Variants in DNER observed in about 807,000 individuals in gnomAD.
DNER encodes delta and Notch-like epidermal growth factor-related receptor.
In DNER, 33 loss-of-function variants were observed where a neutral mutation model predicts 78.2. That is an observed-to-expected ratio of 0.42 (90% confidence interval 0.32 to 0.56). DNER has a LOEUF of 0.56. Ranked by LOEUF, DNER falls within the 20% of genes least tolerant of loss-of-function variation. DNER has a pLI of 0.11. For synonymous variants in DNER, 417 were observed against 384.8 expected (o/e 1.08, Z -0.98); for missense variants, 918 against 975.3 (o/e 0.94, Z 0.78).
intron 8 of DNER, among the ~76,000 whole-genome samples, chr2:229,428,170 CA>C (rs1693924989): frequency 6.6e-6 from 1 of 150,688 alleles, no homozygotes; most frequent in Non-Finnish European, 1.5e-5. Flanking sequence ...TGGGGGGATA[CA>C]AAATCAGATT....
chr2:229,507,028 C>T (rs1695759174), intron 6 of DNER, among the ~76,000 whole-genome samples: 1 of 152,182 alleles, frequency 6.6e-6, no homozygotes, highest in African/African-American at 2.4e-5. Context: ...TGCTCCTAGG[C>T]TACAAATCTG....
chr2:229,374,389 T>C (rs116267165), intron 11 of DNER, among the ~76,000 whole-genome samples: 2,238 of 152,222 alleles, frequency 0.015, 16 homozygotes, highest in Non-Finnish European at 0.024. Flanking sequence ...GAATCTAAAA[T>C]AAAAGTTGAA....
chr2:229,577,641 A>G (rs1019835938), intron 4 of DNER, among the ~76,000 whole-genome samples: 27 of 152,220 alleles, frequency 1.8e-4, no homozygotes, highest in East Asian at 1.7e-3. Flanking sequence ...TCTCAAAAAA[A>G]AAACAAAGAA....
In DNER at chr2:229,598,450, G is replaced by A. The variant is rs370557064; in HGVS notation, c.277-6562C>T. Among the ~76,000 whole-genome samples, 30 of 152,306 alleles carry A rather than the reference G, an allele frequency of 2.0e-4. No homozygotes were observed. The East Asian group carries it at 3.3e-3, about 17-fold the overall frequency. ...ATAGATGAGTCAGAGACGTTAACTT[G>A]GACTTGCCCTGAGCAGTCGGCTCAT... On this transcript the variant is annotated intron_variant, in intron 1 of 12. Transcript: ENST00000341772.
chr2:229,544,251 T>C (rs1696574328), intron 5 of DNER, among the ~76,000 whole-genome samples: 2 of 152,086 alleles, frequency 1.3e-5, no homozygotes, highest in African/African-American at 4.8e-5. Context: ...CAAAGTGGCA[T>C]AGACAGGAGG....
intron 6 of DNER, among the ~76,000 whole-genome samples, chr2:229,492,668 A>G (rs74629241): frequency 4.6e-4 from 69 of 150,446 alleles, no homozygotes; most frequent in African/African-American, 1.6e-3. Flanking sequence ...CTCATTTTTT[A>G]CTTATTTATT....
chr2:229,464,993 G>A (rs992505806), intron 7 of DNER, among the ~76,000 whole-genome samples: 57 of 152,182 alleles, frequency 3.7e-4, no homozygotes, highest in African/African-American at 1.1e-3. Context: ...AATAAGAAAT[G>A]AGGTTGGAAA....
intron 7 of DNER, among the ~76,000 whole-genome samples, chr2:229,471,102 T>C (rs1559360521): frequency 6.6e-6 from 1 of 151,934 alleles, no homozygotes; most frequent in African/African-American, 2.4e-5. Flanking sequence ...ATGGTTCTAA[T>C]AGAGTGCTTT....
intron 1 of DNER, among the ~76,000 whole-genome samples, chr2:229,611,764 C>A (rs1279375625): frequency 1.3e-5 from 2 of 152,188 alleles, no homozygotes; most frequent in Non-Finnish European, 2.9e-5. Flanking sequence ...GAACTCCAAC[C>A]CAGTTCTTTG....
At chr2:229,433,258 A>G (rs1694053607) in intron 8 of DNER, among the ~76,000 whole-genome samples, 1 of 152,190 alleles carries the variant, frequency 6.6e-6, no homozygotes, top group Non-Finnish European at 1.5e-5. Flanking sequence ...TTTAACAGCC[A>G]TGGCATCTCC....
At chr2:229,668,522 GTGTGTGTGTGTGTGTATATATA>G (rs1286588016) in intron 1 of DNER, among the ~76,000 whole-genome samples, 1,084 of 89,342 alleles carry the variant, frequency 0.012, 23 homozygotes, top group African/African-American at 0.026. Flanking sequence ...AAGTATGTGT[GTGTGTGTGTGTGTGTATATATA>G]TATATATATA....
At chr2:229,499,859 A>G (rs1289037534) in intron 6 of DNER, among the ~76,000 whole-genome samples, 2 of 152,208 alleles carry the variant, frequency 1.3e-5, no homozygotes, top group Admixed American at 6.5e-5. Context: ...TAAGGTATTC[A>G]AACAACTCAA....
chr2:229,471,400 G>C (rs898937541), intron 7 of DNER, among the ~76,000 whole-genome samples: 2 of 152,068 alleles, frequency 1.3e-5, no homozygotes, highest in African/African-American at 4.8e-5. Context: ...TGTTGCAGTG[G>C]AATTTAACCT....
At chr2:229,466,224 A>T (rs150901206) in intron 7 of DNER, among the ~76,000 whole-genome samples, 28 of 152,208 alleles carry the variant, frequency 1.8e-4, no homozygotes, top group Admixed American at 3.9e-4. Context: ...GGTCTACCTG[A>T]GCCGACTCCT....
intron 1 of DNER, among the ~76,000 whole-genome samples, chr2:229,601,998 CT>C (rs68018420): frequency 0.054 from 7,854 of 144,418 alleles, 570 homozygotes; most frequent in African/African-American, 0.17. Context: ...AAATGAAATG[CT>C]TTTTTTTTTT....
At chr2:229,496,687 A>G (rs1239813543) in intron 6 of DNER, among the ~76,000 whole-genome samples, 3 of 152,238 alleles carry the variant, frequency 2.0e-5, no homozygotes, top group African/African-American at 7.2e-5. Flanking sequence ...ATTTGAGTCA[A>G]AAACTGTAAA....
At chr2:229,364,000 TTTTTTTTTTTTTTC>T (rs1692280433) in intron 12 of DNER, among the ~76,000 whole-genome samples, 1 of 132,282 alleles carries the variant, frequency 7.6e-6, no homozygotes, top group Non-Finnish European at 1.6e-5. Flanking sequence ...TTTTTTTTTT[TTTTTTTTTTTTTTC>T]TGAGACAGAG....
chr2:229,505,727 A>C (rs1401515268), intron 6 of DNER, among the ~76,000 whole-genome samples: 2 of 152,260 alleles, frequency 1.3e-5, no homozygotes, highest in East Asian at 3.8e-4. Context: ...AGCAAATTAT[A>C]CACGTTTCAA....
chr2:229,678,310 T>C (rs908565653), intron 1 of DNER, among the ~76,000 whole-genome samples: 3 of 152,076 alleles, frequency 2.0e-5, no homozygotes, highest in African/African-American at 7.2e-5. Context: ...ACACTACAAA[T>C]ACCTCCTTCA....
Sources: gnomAD v4.1 joint callset for allele counts (sites outside exome capture counted in the v4.1 genomes callset) on GRCh38, gnomAD v4.1.1 for gene constraint, MANE v1.5 for transcripts, NCBI Gene and HGNC (gene_info 2026-07-23, HGNC 2026-07-21) for gene names.